The following LARGE1 variants were observed in gnomAD, a reference collection of about 807,000 sequenced individuals.
LARGE1 encodes xylosyl- and glucuronyltransferase LARGE1.
Under a neutral mutation model 87.6 loss-of-function variants are expected in LARGE1, and 43 were observed. The ratio of observed to expected loss-of-function variants is 0.49; its 90% CI spans 0.38 to 0.63. The LOEUF is 0.63. LARGE1 is among the 30% of genes least tolerant of loss of function. The pLI, the probability that LARGE1 is intolerant of heterozygous loss-of-function variation, is 0.00. For missense variants in LARGE1, 802 were observed against 1,000.2 expected (o/e 0.80, Z 2.67); for synonymous variants, 434 against 394.6 (o/e 1.10, Z -1.18).
At chr22:33,776,713 G>T (rs2085250092) in intron 1 of LARGE1, among the ~76,000 whole-genome samples, 1 of 152,174 alleles carries the variant, frequency 6.6e-6, no homozygotes, top group Non-Finnish European at 1.5e-5. Flanking sequence ...AATGCACTCT[G>T]GCATCCCTTA....
At chr22:33,773,057 T>C (rs2085121963) in intron 1 of LARGE1, among the ~76,000 whole-genome samples, 1 of 152,122 alleles carries the variant, frequency 6.6e-6, no homozygotes, top group Non-Finnish European at 1.5e-5. Context: ...TCAGACACCC[T>C]CTCGTGCACG....
chr22:33,465,138 G>A (rs995804583), intron 6 of LARGE1, among the ~76,000 whole-genome samples: 2 of 152,234 alleles, frequency 1.3e-5, no homozygotes, highest in African/African-American at 4.8e-5. Context: ...AATGAACTCA[G>A]TTTACATGGC....
At chr22:33,851,476 T>C (rs2063581620) in intron 1 of LARGE1, among the ~76,000 whole-genome samples, 1 of 152,260 alleles carries the variant, frequency 6.6e-6, no homozygotes, top group Non-Finnish European at 1.5e-5. Context: ...ACTGTGTACA[T>C]GTCTATTCAA....
intron 6 of LARGE1, among the ~76,000 whole-genome samples, chr22:33,441,520 C>T (rs2067477421): frequency 6.6e-6 from 1 of 152,206 alleles, no homozygotes; most frequent in Non-Finnish European, 1.5e-5. Context: ...GTGGCACAAT[C>T]ATGGCTCAGC....
At chr22:33,141,448 C>G in the LARGE1 span, among the ~76,000 whole-genome samples, 64,046 of 151,772 alleles carry the variant, frequency 0.42, 13,958 homozygotes, top group South Asian at 0.68. Context: ...ATGAAGCACT[C>G]AAAATTTATG....
chr22:33,743,033 T>C (rs1283573122), intron 2 of LARGE1: 1 of 151,970 alleles, frequency 6.6e-6, no homozygotes, highest in Non-Finnish European at 1.5e-5. Flanking sequence ...TGAGATATGG[T>C]TGTTTAAAAA....
At chr22:33,596,893 G>C (rs1332902025) in intron 5 of LARGE1, among the ~76,000 whole-genome samples, 1 of 152,176 alleles carries the variant, frequency 6.6e-6, no homozygotes. Flanking sequence ...CATTTTGATA[G>C]GCTATTTATT....
At chr22:33,372,891 A>G (rs9621687) in intron 9 of LARGE1, among the ~76,000 whole-genome samples, 24,151 of 152,226 alleles carry the variant, frequency 0.16, 3,917 homozygotes, top group African/African-American at 0.41. Context: ...ACAGGAATCC[A>G]TAAGTAGGAG....
the LARGE1 span, among the ~76,000 whole-genome samples, chr22:33,117,679 CAG>C: frequency 6.6e-6 from 1 of 152,160 alleles, no homozygotes; most frequent in Non-Finnish European, 1.5e-5. Flanking sequence ...GAAAATAAAA[CAG>C]TGCTCACAAA....
chr22:33,677,812 T>C (rs1569364123), intron 2 of LARGE1, among the ~76,000 whole-genome samples: 1 of 152,162 alleles, frequency 6.6e-6, no homozygotes, highest in Non-Finnish European at 1.5e-5. Context: ...GAGACCCGAT[T>C]AGTCACATGG....
At chr22:33,833,572 A>G (rs918076416) in intron 1 of LARGE1, among the ~76,000 whole-genome samples, 3 of 152,200 alleles carry the variant, frequency 2.0e-5, no homozygotes, top group Non-Finnish European at 4.4e-5. Context: ...GATAGAATAT[A>G]TTTTTATCAT....
chr22:33,339,134 C>T (rs8135185), intron 9 of LARGE1, among the ~76,000 whole-genome samples: 7,212 of 139,460 alleles, frequency 0.052, 264 homozygotes, highest in African/African-American at 0.1. Context: ...GGCAACAAAG[C>T]GAGACTCCGT....
chr22:33,663,224 G>C (rs2081180729), intron 2 of LARGE1, among the ~76,000 whole-genome samples: 1 of 152,102 alleles, frequency 6.6e-6, no homozygotes, highest in Non-Finnish European at 1.5e-5. Flanking sequence ...ATGGGCACTT[G>C]GCAAAGATAA....
intron 3 of LARGE1, among the ~76,000 whole-genome samples, chr22:33,639,048 A>C (rs8138772): frequency 0.098 from 14,872 of 152,246 alleles, 2,347 homozygotes; most frequent in African/African-American, 0.33. Context: ...AGAATCCACT[A>C]TCAGCAGATG....
At chr22:33,750,902 AG>A (rs2084291024) in intron 2 of LARGE1, 1 of 152,238 alleles carries the variant, frequency 6.6e-6, no homozygotes, top group Non-Finnish European at 1.5e-5. Context: ...ATTACATAGA[AG>A]TGTTAAACAA....
chr22:33,107,542 G>A, the LARGE1 span, among the ~76,000 whole-genome samples: 3 of 150,160 alleles, frequency 2.0e-5, no homozygotes, highest in East Asian at 2.0e-4. Context: ...GTTACAGAGC[G>A]AGACTTTGTC....
intron 1 of LARGE1, chr22:33,861,590 C>A (rs2146595438): frequency 6.6e-6 from 1 of 152,384 alleles, no homozygotes. Context: ...CCTGGCCTCT[C>A]CATGCTGCCA....
chr22:33,651,984 C>G (rs113538696), intron 2 of LARGE1, among the ~76,000 whole-genome samples: 2,198 of 152,124 alleles, frequency 0.014, 66 homozygotes, highest in African/African-American at 0.05. Flanking sequence ...CCATCCTGGC[C>G]AAGCTAGTGA....
chr22:33,751,621 A>C (rs1471300145), intron 2 of LARGE1, among the ~76,000 whole-genome samples: 1 of 152,144 alleles, frequency 6.6e-6, no homozygotes, highest in African/African-American at 2.4e-5. Context: ...AATTGGTAAG[A>C]GCCTACATTA....
Sources: gnomAD v4.1 joint callset for allele counts (sites outside exome capture counted in the v4.1 genomes callset) on GRCh38, gnomAD v4.1.1 for gene constraint, MANE v1.5 for transcripts, NCBI Gene and HGNC (gene_info 2026-07-23, HGNC 2026-07-21) for gene names.